The following HNF4A variants were observed in gnomAD, a reference collection of about 807,000 sequenced individuals.
The protein encoded by HNF4A is hepatocyte nuclear factor 4 alpha, also known as hepatocyte nuclear factor 4-alpha.
A neutral mutation model predicts 52.4 loss-of-function variants in HNF4A; 15 were observed. The ratio of observed to expected loss-of-function variants is 0.29; its 90% CI spans 0.19 to 0.44. The LOEUF (loss-of-function observed/expected upper bound fraction) is 0.44, where lower values mean the gene tolerates loss of function less well. Ranked by LOEUF, HNF4A falls within the 20% of genes least tolerant of loss-of-function variation. The pLI is 1.00. For missense variants in HNF4A, 479 were observed against 647.2 expected (o/e 0.74, Z 2.82); for synonymous variants, 280 against 264.4 (o/e 1.06, Z -0.57).
upstream of HNF4A, chr20:44,401,116 A>G: frequency 1.4e-6 from 1 of 739,662 alleles, no homozygotes; most frequent in Non-Finnish European, 1.7e-6. Context: ...AAACCAACAA[A>G]CAGCCAAATC....
chr20:44,380,011 C>T (rs1456407244), intron 1 of HNF4A, among the ~76,000 whole-genome samples: 4 of 152,088 alleles, frequency 2.6e-5, no homozygotes, highest in South Asian at 2.1e-4. Context: ...GGATTACAGG[C>T]GTGAGCCACT....
rs2062967238 is a variant in HNF4A at position 44,366,074 on chromosome 20, A to G, written c.49+10221A>G. Among the ~76,000 whole-genome samples, 4 of 152,182 alleles carry G rather than the reference A, an allele frequency of 2.6e-5. No homozygotes were observed. In the South Asian group the frequency reaches 8.3e-4, roughly 31 times the overall value. On this transcript the variant is annotated intron_variant, in intron 1 of 9. Coordinates refer to the HNF4A transcript ENST00000316673. The stretch of plus-strand genomic sequence containing the variant: ...TAAAAAATATTTTTACTGAAGTATA[A>G]CATTCAAAACAGAAAAAGGCACAAA...
At chr20:44,424,310 GC>G (rs2063789214) in intron 8 of HNF4A, 56 bp downstream of exon 8, 2 of 1,603,026 alleles carry the variant, frequency 1.2e-6, no homozygotes, top group South Asian at 2.2e-5. Context: ...CAGGAGACAG[GC>G]CTCACACAGT....
intron 3 of HNF4A, among the ~76,000 whole-genome samples, chr20:44,411,476 C>A (rs1041612618): frequency 2.1e-5 from 3 of 145,102 alleles, no homozygotes; most frequent in Admixed American, 6.8e-5. Flanking sequence ...GCCGGCCACT[C>A]GGCGCCCTGA....
At chr20:44,385,508 G>A (rs1216322854) in intron 1 of HNF4A, among the ~76,000 whole-genome samples, 3 of 152,000 alleles carry the variant, frequency 2.0e-5, no homozygotes, top group South Asian at 2.1e-4. Flanking sequence ...TCACTCTGTC[G>A]CCCAGGCTGG....
intron 1 of HNF4A, among the ~76,000 whole-genome samples, chr20:44,356,410 T>C (rs1265827853): frequency 1.3e-5 from 2 of 152,134 alleles, no homozygotes; most frequent in East Asian, 3.9e-4. Context: ...CTAGAAAGCA[T>C]GTGTTACTGA....
rs766712393 is a variant in HNF4A, at chr20:44,424,212, A to G, written c.1087A>G (p.Met363Val). Residue 363 changes from methionine (M) to valine (V), a missense_variant, in exon 8 of 10, where the codon ATG (methionine) becomes GTG (valine). Physicochemically the swap from Met to Val is conservative, Grantham distance 21. Around this residue, in one of 3 missense-constraint regions of HNF4A, gnomAD observed 389 missense variants for 525.1 expected, o/e 0.74. Transcript: ENST00000316099. ...GATCCAGTTCATCAAGCTCTTCGGC[A>G]TGGCCAAGATTGACAACCTGTTGCA... is the stretch of plus-strand genomic sequence containing the variant. The G allele has an allele frequency of 1.9e-6, 3 of 1,614,094 alleles. No homozygotes were observed. The highest frequency in any genetic ancestry group is 1.7e-5 in the Admixed American group (1 of 60,018).
At chr20:44,383,343 T>C (rs2063178853) in intron 1 of HNF4A, among the ~76,000 whole-genome samples, 1 of 152,070 alleles carries the variant, frequency 6.6e-6, no homozygotes, top group South Asian at 2.1e-4. Context: ...TGGTCACTAT[T>C]TTGCAAATAA....
In HNF4A at chr20:44,376,306, C is replaced by T. The variant is rs370263472; in HGVS notation, c.49+20453C>T. On this transcript the variant is annotated intron_variant, in intron 1 of 9. Coordinates refer to the HNF4A transcript ENST00000316673. ...ATATAGATTTCTAGATTTTTATCCA[C>T]GGTTGCTTGTCATTGTGCAAATTGT... Among the ~76,000 whole-genome samples, 24 of 152,158 alleles carry T rather than the reference C, an allele frequency of 1.6e-4. No homozygotes were observed. In the East Asian group the frequency reaches 4.1e-3, roughly 26 times the overall value.
chr20:44,416,350 G>A (rs2063664485), intron 5 of HNF4A, among the ~76,000 whole-genome samples: 1 of 152,210 alleles, frequency 6.6e-6, no homozygotes, highest in African/African-American at 2.4e-5. Flanking sequence ...TCTTGGGCCT[G>A]GATACAATTG....
intron 5 of HNF4A, among the ~76,000 whole-genome samples, chr20:44,416,813 C>T (rs1378263246): frequency 6.6e-6 from 1 of 152,170 alleles, no homozygotes; most frequent in African/African-American, 2.4e-5. Context: ...ACAACAATTT[C>T]ACCTCCTTAG....
chr20:44,428,619 G>A, intron 9 of HNF4A, 132 bp downstream of exon 9: 3 of 856,962 alleles, frequency 3.5e-6, no homozygotes, highest in East Asian at 5.3e-5. Context: ...GGGAATAAAG[G>A]GCAAGATTGT....
At chr20:44,428,203 G>A (rs878933745) in intron 8 of HNF4A, 132 bp from the exon 9 acceptor site, 4 of 901,450 alleles carry the variant, frequency 4.4e-6, no homozygotes, top group South Asian at 4.1e-5. Flanking sequence ...ACTAACCCAG[G>A]AATAGGTACC....
At chr20:44,384,970 C>G (rs2063201429) in intron 1 of HNF4A, among the ~76,000 whole-genome samples, 1 of 150,720 alleles carries the variant, frequency 6.6e-6, no homozygotes. Flanking sequence ...TGAGCAGACA[C>G]ACCTCTCAGG....
chr20:44,418,440 G>A lies in HNF4A; in HGVS notation c.664G>A (p.Ala222Thr). Residue 222 changes from alanine (A) to threonine (T), a missense_variant, in exon 6 of 10, where the codon GCC becomes ACC. Ala to Thr is a moderately conservative substitution (Grantham distance 58). Coordinates refer to ENST00000316099, the MANE Select transcript of HNF4A (RefSeq NM_000457.6). The stretch of plus-strand genomic sequence containing the variant: ...TCTCTTTCAGGTGGCCCTGCTCAGA[G>A]CCCATGCTGGCGAGCACCTGCTGCT... 6.2e-7 allele frequency: 1 copy of A among 1,613,984 alleles called. No individual in the cohort carries two copies.
intron 1 of HNF4A, among the ~76,000 whole-genome samples, chr20:44,393,137 G>A (rs142264568): frequency 3.3e-5 from 5 of 152,336 alleles, no homozygotes; most frequent in African/African-American, 1.2e-4. Flanking sequence ...TCTGGGTCAG[G>A]CAGGGGCTCC....
At chr20:44,413,650 T>C (rs747736424) in intron 3 of HNF4A, 44 bp from the exon 4 acceptor site, 2 of 1,242,896 alleles carry the variant, frequency 1.6e-6, no homozygotes, top group South Asian at 1.2e-5. Context: ...CACCCCCTAC[T>C]CCATCCCTGT....
chr20:44,380,426 G>A (rs2063139788), intron 1 of HNF4A, among the ~76,000 whole-genome samples: 1 of 152,074 alleles, frequency 6.6e-6, no homozygotes, highest in African/African-American at 2.4e-5. Context: ...TCCCAAGTAA[G>A]CTGGGACTAC....
Position 44,409,082 on chromosome 20 carries a change from A to G in HNF4A, c.385+1607A>G, listed in dbSNP as rs1249721859. ...CTATGTCTCATCCTTATGGGACCTTAGTCTGGGCTCATGAGCTGTCTTGGA... is the reference window on the plus strand; with the variant it reads ...CTATGTCTCATCCTTATGGGACCTTGGTCTGGGCTCATGAGCTGTCTTGGA... On this transcript the variant is annotated intron_variant, in intron 3 of 9. Coordinates refer to ENST00000316099, the MANE Select transcript of HNF4A (RefSeq NM_000457.6). Among the ~76,000 whole-genome samples the G allele has an allele frequency of 4.0e-5, 6 of 151,558 alleles. No individual in the cohort carries two copies. In the East Asian group the frequency reaches 1.2e-3, roughly 29 times the overall value.
Sources: gnomAD v4.1 joint callset for allele counts (sites outside exome capture counted in the v4.1 genomes callset) on GRCh38, gnomAD v4.1.1 for gene constraint, gnomAD v4.1.1 regional missense constraint, MANE v1.5 for transcripts, NCBI Gene and HGNC (gene_info 2026-07-23, HGNC 2026-07-21) for gene names.